CSMD1: variants seen among roughly 807,000 people sequenced by gnomAD.
The protein encoded by CSMD1 is CUB and Sushi multiple domains 1.
CSMD1 carries 213 observed loss-of-function variants against 417.5 expected under a neutral mutation model. The ratio of observed to expected loss-of-function variants is 0.51; its 90% CI spans 0.46 to 0.57. CSMD1 has a LOEUF of 0.57. Ranked by LOEUF, CSMD1 falls within the 20% of genes least tolerant of loss-of-function variation. The pLI is 0.00. For missense variants in CSMD1, 6,923 were observed against 4,529.7 expected (o/e 1.53, Z -15.17); for synonymous variants, 2,862 against 1,736.8 (o/e 1.65, Z -16.11).
At chr8:4,135,771 C>T (rs1483058281) in intron 3 of CSMD1, among the ~76,000 whole-genome samples, 1 of 151,996 alleles carries the variant, frequency 6.6e-6, no homozygotes. Context: ...GAAAGAGAAA[C>T]TGATTAATGA....
At chr8:4,187,753 A>G (rs936172101) in intron 3 of CSMD1, among the ~76,000 whole-genome samples, 2 of 151,728 alleles carry the variant, frequency 1.3e-5, no homozygotes, top group African/African-American at 4.8e-5. Flanking sequence ...GAACACTCAG[A>G]GAAATATATT....
At chr8:4,418,114 A>T (rs1200977083) in intron 3 of CSMD1, among the ~76,000 whole-genome samples, 3 of 152,068 alleles carry the variant, frequency 2.0e-5, no homozygotes, top group East Asian at 3.9e-4. Context: ...TTAGCCAACA[A>T]AGCACCTTTT....
At chr8:3,739,844 G>C (rs1796703215) in intron 6 of CSMD1, among the ~76,000 whole-genome samples, 2 of 152,070 alleles carry the variant, frequency 1.3e-5, no homozygotes, top group South Asian at 2.1e-4. Context: ...TTTTACATTT[G>C]GGACAATTAA....
At chr8:2,964,257 C>T (rs955460210) in intron 59 of CSMD1, among the ~76,000 whole-genome samples, 1 of 152,212 alleles carries the variant, frequency 6.6e-6, no homozygotes, top group Admixed American at 6.5e-5. Flanking sequence ...TGCCAACACA[C>T]ACAAATCACA....
At chr8:3,981,895 G>A (rs1180927545) in intron 5 of CSMD1, among the ~76,000 whole-genome samples, 4 of 152,120 alleles carry the variant, frequency 2.6e-5, no homozygotes, top group African/African-American at 2.4e-5. Context: ...CTGTCATACA[G>A]AACTAGTTAC....
At chr8:4,623,569 G>GA (rs1801902368) in intron 2 of CSMD1, among the ~76,000 whole-genome samples, 1 of 151,934 alleles carries the variant, frequency 6.6e-6, no homozygotes, top group Non-Finnish European at 1.5e-5. Flanking sequence ...AAAAACAGGG[G>GA]GGTGAGGGGG....
chr8:4,415,641 T>C (rs1796892985), intron 3 of CSMD1, among the ~76,000 whole-genome samples: 1 of 152,230 alleles, frequency 6.6e-6, no homozygotes, highest in African/African-American at 2.4e-5. Context: ...ATTTCATCTT[T>C]GTATTCCTGT....
chr8:3,946,359 C>T (rs2975396), intron 5 of CSMD1, among the ~76,000 whole-genome samples: 18,731 of 152,056 alleles, frequency 0.12, 1,475 homozygotes, highest in South Asian at 0.18. Context: ...CATTTTATCA[C>T]GTATGTGCTG....
chr8:3,872,471 G>C (rs567008442), intron 5 of CSMD1, among the ~76,000 whole-genome samples: 2 of 152,166 alleles, frequency 1.3e-5, no homozygotes, highest in African/African-American at 2.4e-5. Context: ...AAAGCTGTGG[G>C]ACAAGGCAGG....
intron 1 of CSMD1, among the ~76,000 whole-genome samples, chr8:4,990,471 C>G (rs1199300356): frequency 6.6e-6 from 1 of 152,000 alleles, no homozygotes; most frequent in East Asian, 1.9e-4. Context: ...TCAAGAGATT[C>G]TCCTGCCTCA....
chr8:2,946,061 A>G (rs537291886), intron 68 of CSMD1, among the ~76,000 whole-genome samples: 35 of 152,296 alleles, frequency 2.3e-4, no homozygotes, highest in African/African-American at 8.2e-4. Context: ...TGCCTACTGC[A>G]TATCTAGGCT....
At chr8:3,850,581 G>T (rs1192173306) in intron 5 of CSMD1, among the ~76,000 whole-genome samples, 1 of 152,140 alleles carries the variant, frequency 6.6e-6, no homozygotes, top group Non-Finnish European at 1.5e-5. Flanking sequence ...TGTTTTCCCA[G>T]CTACTTAGGA....
Position 2,960,961 on chromosome 8 carries a change from T to TATATATAC in CSMD1, c.9702+179_9702+180insGTATATAT, listed in dbSNP as rs1408815262. ...CAAGATATATATATATATATATATA[T>TATATATAC]ATATACATATATTGATTTTGACAGT... On this transcript the variant is annotated intron_variant, in intron 62 of 69. Coordinates refer to ENST00000635120, the MANE Select transcript of CSMD1 (RefSeq NM_033225.6). Among the ~76,000 whole-genome samples, 471 of 130,842 alleles carry TATATATAC rather than the reference T, an allele frequency of 3.6e-3. 1 individual carries two copies. The highest frequency in any genetic ancestry group is 5.1e-3 in the Non-Finnish European group (328 of 64,910). The allele number at this position is 130,842 out of a possible 152,430, so 85.8% of individuals were successfully genotyped here. A position where few individuals can be genotyped will look rare whatever the true frequency, so the allele number is the denominator to read the frequency against.
intron 25 of CSMD1, among the ~76,000 whole-genome samples, chr8:3,299,408 C>T (rs534712895): frequency 4.5e-4 from 69 of 152,070 alleles, no homozygotes; most frequent in Non-Finnish European, 6.8e-4. Context: ...GCCAAGATCA[C>T]GCTATTGCAC....
chr8:4,987,664 G>A (rs1563938813), intron 1 of CSMD1, among the ~76,000 whole-genome samples: 2 of 152,142 alleles, frequency 1.3e-5, no homozygotes, highest in South Asian at 2.1e-4. Context: ...GAAAATTACG[G>A]TTCCTGGGTG....
intron 5 of CSMD1, among the ~76,000 whole-genome samples, chr8:3,816,132 G>C (rs1801352984): frequency 6.6e-6 from 1 of 152,128 alleles, no homozygotes; most frequent in African/African-American, 2.4e-5. Flanking sequence ...AACAATCGCA[G>C]GCTCAGTCTC....
At chr8:4,827,114 G>A (rs982354031) in intron 1 of CSMD1, among the ~76,000 whole-genome samples, 2 of 152,254 alleles carry the variant, frequency 1.3e-5, no homozygotes, top group South Asian at 2.1e-4. Context: ...CAGGTGTGAA[G>A]CAGAATCAAT....
rs1167025134 is a variant in CSMD1 at position 3,544,103 on chromosome 8, TTGAG to T, written c.1344+30838_1344+30841del. On this transcript the variant is annotated intron_variant, in intron 10 of 69. Transcript: ENST00000635120. ...GTGTTTGAACCAGAGCGACTCCATCTTGAGTGAGGGCTTGGTAAAACGAGCCTGG... is the reference window on the plus strand; with the variant it reads ...GTGTTTGAACCAGAGCGACTCCATCTTGAGGGCTTGGTAAAACGAGCCTGG... Among the ~76,000 whole-genome samples, 10 of 152,200 alleles carry T rather than the reference TTGAG, an allele frequency of 6.6e-5. 1 individual carries two copies. Among genetic ancestry groups the T allele is most frequent in the Admixed American group, 2.6e-4 (4 of 15,292 alleles).
At chr8:3,537,066 C>G (rs763375134) in intron 10 of CSMD1, among the ~76,000 whole-genome samples, 14 of 152,022 alleles carry the variant, frequency 9.2e-5, no homozygotes, top group Non-Finnish European at 1.9e-4. Context: ...TGCAGTGGCA[C>G]TATCTCAGCT....
Sources: gnomAD v4.1 joint callset for allele counts (sites outside exome capture counted in the v4.1 genomes callset) on GRCh38, gnomAD v4.1.1 for gene constraint, MANE v1.5 for transcripts, NCBI Gene and HGNC (gene_info 2026-07-23, HGNC 2026-07-21) for gene names.